Variants in ZNF521 observed in about 807,000 individuals in gnomAD.
The protein encoded by ZNF521 is zinc finger protein 521, also known as LYST-interacting protein 3.
A neutral mutation model predicts 105.5 loss-of-function variants in ZNF521; 14 were observed. The observed-to-expected ratio is 0.13, with a 90% confidence interval of 0.09 to 0.21. The LOEUF (loss-of-function observed/expected upper bound fraction) is 0.21, where lower values mean the gene tolerates loss of function less well. Among genes scored for constraint, ZNF521 ranks in the 10% least tolerant of loss-of-function variants. The probability of loss-of-function intolerance (pLI) is 1.00; values close to 1 mark genes in which losing one functional copy is unlikely to be tolerated. For synonymous variants in ZNF521, 635 were observed against 606.0 expected (o/e 1.05, Z -0.70); for missense variants, 1,233 against 1,629.7 (o/e 0.76, Z 4.19).
intron 1 of ZNF521, chr18:25,351,363 C>A (rs1332376486): frequency 6.7e-6 from 1 of 149,048 alleles, no homozygotes; most frequent in Non-Finnish European, 1.5e-5. Context: ...AATCAAAATT[C>A]ACATAGTTCA....
intron 3 of ZNF521, among the ~76,000 whole-genome samples, chr18:25,318,713 A>T (rs11665464): frequency 0.24 from 36,310 of 152,044 alleles, 4,972 homozygotes; most frequent in South Asian, 0.36. Context: ...ATCAATATGA[A>T]CATATGGTTT....
chr18:25,192,680 T>C (rs1009670144), intron 5 of ZNF521, among the ~76,000 whole-genome samples: 11 of 144,150 alleles, frequency 7.6e-5, no homozygotes, highest in Non-Finnish European at 3.0e-5. Flanking sequence ...GAGATTATTT[T>C]TTGATTAGAC....
chr18:25,244,312 ACT>A (rs760636094), intron 3 of ZNF521, among the ~76,000 whole-genome samples: 1 of 144,960 alleles, frequency 6.9e-6, no homozygotes, highest in African/African-American at 2.6e-5. Context: ...ACACACACAC[ACT>A]CTCACCCTTT....
intron 3 of ZNF521, among the ~76,000 whole-genome samples, chr18:25,304,461 G>A (rs773771559): frequency 6.6e-6 from 1 of 152,044 alleles, no homozygotes; most frequent in East Asian, 1.9e-4. Context: ...TCGGTTTTTT[G>A]TGTGTGTGCA....
intron 4 of ZNF521, among the ~76,000 whole-genome samples, chr18:25,205,475 T>C (rs2144666764): frequency 6.6e-6 from 1 of 152,304 alleles, no homozygotes; most frequent in East Asian, 1.9e-4. Context: ...ATTATTCTGA[T>C]CATCTGATTG....
At chr18:25,081,912 A>G (rs2033504375) in intron 7 of ZNF521, among the ~76,000 whole-genome samples, 1 of 152,190 alleles carries the variant, frequency 6.6e-6, no homozygotes, top group Admixed American at 6.5e-5. Flanking sequence ...TTTGTGTCCT[A>G]TGTGATTAAC....
intron 2 of ZNF521, among the ~76,000 whole-genome samples, chr18:25,325,475 C>A (rs757435916): frequency 6.6e-6 from 1 of 152,158 alleles, no homozygotes; most frequent in Non-Finnish European, 1.5e-5. Context: ...TACTGCCCTG[C>A]CCCCAGCACC....
chr18:25,276,953 C>T (rs1267790112), intron 3 of ZNF521, among the ~76,000 whole-genome samples: 1 of 152,114 alleles, frequency 6.6e-6, no homozygotes, highest in Non-Finnish European at 1.5e-5. Context: ...GAGACCAAGG[C>T]GGGTGGATCA....
intron 1 of ZNF521, chr18:25,351,516 T>G (rs1938852812): frequency 6.7e-6 from 1 of 149,856 alleles, no homozygotes; most frequent in South Asian, 2.1e-4. Flanking sequence ...CGAGTCGTGC[T>G]CTTTTGTAGT....
At chr18:25,139,110 C>T (rs1438741734) in intron 5 of ZNF521, among the ~76,000 whole-genome samples, 2 of 152,060 alleles carry the variant, frequency 1.3e-5, no homozygotes, top group African/African-American at 2.4e-5. Context: ...GTGGCTCACG[C>T]CTGTAATCCC....
intron 7 of ZNF521, among the ~76,000 whole-genome samples, chr18:25,078,001 A>C (rs377333038): frequency 9.9e-5 from 15 of 152,270 alleles, no homozygotes; most frequent in African/African-American, 3.4e-4. Flanking sequence ...TCTGCAGTCC[A>C]TCTATCTTTT....
At chr18:25,316,476 C>T (rs1045119555) in intron 3 of ZNF521, among the ~76,000 whole-genome samples, 17 of 151,858 alleles carry the variant, frequency 1.1e-4, no homozygotes, top group Middle Eastern at 6.8e-3. Context: ...AGAATTCAAG[C>T]AGTGGGAAGC....
chr18:25,286,220 G>A (rs1659075295), intron 3 of ZNF521, among the ~76,000 whole-genome samples: 1 of 152,168 alleles, frequency 6.6e-6, no homozygotes, highest in South Asian at 2.1e-4. Context: ...AGTCGATAAG[G>A]GGAAGAGTGG....
intron 3 of ZNF521, among the ~76,000 whole-genome samples, chr18:25,273,962 C>T (rs1048559365): frequency 6.6e-6 from 1 of 152,154 alleles, no homozygotes; most frequent in African/African-American, 2.4e-5. Context: ...TCAGAGGTAT[C>T]ATCTCACAGA....
At chr18:25,096,006 T>G (rs549302438) in intron 5 of ZNF521, among the ~76,000 whole-genome samples, 1 of 152,316 alleles carries the variant, frequency 6.6e-6, no homozygotes, top group African/African-American at 2.4e-5. Flanking sequence ...CTTCCTGTCT[T>G]GGTCACCCAC....
chr18:25,201,812 T>C (rs2035998088), intron 4 of ZNF521: 1 of 152,188 alleles, frequency 6.6e-6, no homozygotes, highest in African/African-American at 2.4e-5. Flanking sequence ...TAGTTAGTTG[T>C]GTGACAAATC....
At position 25,224,587 on chromosome 18, in the gene ZNF521, G is replaced by A; in HGVS notation, c.3331C>T (p.Pro1111Ser). Reference protein sequence around the residue: ...KSASPGINVPPGTNRPGLGQN... With the variant: ...KSASPGINVPSGTNRPGLGQN... Reference sequence around the variant, plus strand: ...CCCAAGCCTGGTCTATTCGTGCCGGGAGGGACGTTAATGCCTGGGCTGGCG... The same window carrying A: ...CCCAAGCCTGGTCTATTCGTGCCGGAAGGGACGTTAATGCCTGGGCTGGCG... Residue 1111 changes from proline to serine, a missense_variant, in exon 4 of 8, where the codon CCC (proline) becomes TCC (serine). Physicochemically the swap from Pro to Ser is moderately conservative, Grantham distance 74. Transcript: ENST00000361524. The A allele has an allele frequency of 1.2e-6, 2 of 1,614,156 alleles. No homozygotes were observed. The highest frequency in any genetic ancestry group is 2.2e-5 in the East Asian group (1 of 44,856).
At chr18:25,079,671 G>A (rs1019411536) in intron 7 of ZNF521, among the ~76,000 whole-genome samples, 1 of 89,312 alleles carries the variant, frequency 1.1e-5, no homozygotes, top group African/African-American at 5.3e-5. Flanking sequence ...CACAGATGGT[G>A]GGGGGGACGC....
chr18:25,229,865 A>T (rs1906420719), intron 3 of ZNF521, among the ~76,000 whole-genome samples: 1 of 152,222 alleles, frequency 6.6e-6, no homozygotes, highest in African/African-American at 2.4e-5. Context: ...TGAGCTTGAA[A>T]ATTGAGCAAG....
Sources: gnomAD v4.1 joint callset for allele counts (sites outside exome capture counted in the v4.1 genomes callset) on GRCh38, gnomAD v4.1.1 for gene constraint, MANE v1.5 for transcripts, NCBI Gene and HGNC (gene_info 2026-07-23, HGNC 2026-07-21) for gene names.